The following MTHFD2 variants were observed in gnomAD, a reference collection of about 807,000 sequenced individuals.
MTHFD2 encodes methylenetetrahydrofolate dehydrogenase (NADP+ dependent) 2, methenyltetrahydrofolate cyclohydrolase, also known as bifunctional methylenetetrahydrofolate dehydrogenase/cyclohydrolase, mitochondrial.
In MTHFD2, 26 loss-of-function variants were observed where a neutral mutation model predicts 36.8. The ratio of observed to expected loss-of-function variants is 0.71; its 90% CI spans 0.52 to 0.98. MTHFD2 has a LOEUF of 0.98. Ranked by LOEUF, MTHFD2 falls within the 50% of genes least tolerant of loss-of-function variation. The pLI, the probability that MTHFD2 is intolerant of heterozygous loss-of-function variation, is 0.00. For synonymous variants in MTHFD2, 164 were observed against 155.2 expected (o/e 1.06, Z -0.42); for missense variants, 373 against 434.0 (o/e 0.86, Z 1.25).
chr2:74,204,344 G>A (rs1694129598), intron 1 of MTHFD2, among the ~76,000 whole-genome samples: 1 of 152,198 alleles, frequency 6.6e-6, no homozygotes, highest in Non-Finnish European at 1.5e-5. Flanking sequence ...TTTGGGAAGA[G>A]ACAGCCTTTC....
chr2:74,211,792 T>C lies in MTHFD2; in HGVS notation c.815T>C (p.Ile272Thr). The C allele has an allele frequency of 6.2e-7, 1 of 1,612,076 alleles. No individual in the cohort carries two copies. Among genetic ancestry groups the C allele is most frequent in the East Asian group, 2.2e-5 (1 of 44,828 alleles). Reference protein sequence around the residue: ...ADMIKEGAAVIDVGINRVHDP... With the variant: ...ADMIKEGAAVTDVGINRVHDP... The stretch of plus-strand genomic sequence containing the variant: ...ATGATCAAGGAAGGAGCAGCAGTCA[T>C]TGATGTGGGAATAAATAGAGTTCAC... Residue 272 changes from isoleucine (I) to threonine (T), a missense_variant, in exon 7 of 8, where the codon ATT becomes ACT. This residue lies in a region of MTHFD2 where 308 missense variants were observed against 397.8 expected (regional missense o/e 0.77). Transcript: ENST00000394053.
intron 1 of MTHFD2, among the ~76,000 whole-genome samples, chr2:74,200,525 TA>T (rs1321562532): frequency 1.3e-5 from 2 of 152,080 alleles, no homozygotes; most frequent in African/African-American, 4.8e-5. Flanking sequence ...TGTATCCTTT[TA>T]AAAATATGAG....
At chr2:74,203,911 T>TTTAGTTTAGTTTAGTTTAGTTTAG (rs1558852985) in intron 1 of MTHFD2, among the ~76,000 whole-genome samples, 17 of 84,480 alleles carry the variant, frequency 2.0e-4, no homozygotes, top group East Asian at 7.4e-4. Flanking sequence ...GTTTAGTTAG[T>TTTAGTTTAGTTTAGTTTAGTTTAG]TTAGTTTAGT....
At chr2:74,211,670 G>A (rs1558857096) in intron 6 of MTHFD2, 71 bp from the exon 7 acceptor site, 2 of 1,437,970 alleles carry the variant, frequency 1.4e-6, no homozygotes, top group East Asian at 2.4e-5. Context: ...TCTTGAAATT[G>A]AAGTTAGACA....
chr2:74,199,026 C>A (rs1417368099), intron 1 of MTHFD2, among the ~76,000 whole-genome samples: 1 of 152,172 alleles, frequency 6.6e-6, no homozygotes, highest in East Asian at 1.9e-4. Context: ...GGCCAGTCGG[C>A]GGGCGGGACG....
At chr2:74,200,226 T>C (rs1694012712) in intron 1 of MTHFD2, among the ~76,000 whole-genome samples, 1 of 152,190 alleles carries the variant, frequency 6.6e-6, no homozygotes, top group African/African-American at 2.4e-5. Context: ...TGGCCTCATG[T>C]GACTGTGGAC....
At position 74,215,467 on chromosome 2, in the gene MTHFD2, C is replaced by G. The variant is rs1258994897; in HGVS notation, c.*1225C>G. 1.4e-5 allele frequency: 2 copies of G among 146,538 alleles called. No homozygotes were observed. Among genetic ancestry groups the G allele is most frequent in the Non-Finnish European group, 1.5e-5 (1 of 67,366 alleles). The allele number at this position is 146,538 out of a possible 1,614,324, so 9.1% of individuals were successfully genotyped here. A position where few individuals can be genotyped will look rare whatever the true frequency, so the allele number is the denominator to read the frequency against. On this transcript the variant is annotated 3_prime_UTR_variant, in exon 8 of 8. Transcript: ENST00000394053. The stretch of plus-strand genomic sequence containing the variant: ...TAGAGATGGGGTCTTGCTATGTTGC[C>G]TGGGCTGGTATTGAACTCCTGGCCT...
intron 1 of MTHFD2, among the ~76,000 whole-genome samples, chr2:74,203,846 G>T (rs1667607): frequency 0.69 from 91,234 of 132,456 alleles, 29,063 homozygotes; most frequent in African/African-American, 0.81. Context: ...TGCTCATCTA[G>T]TTTAGTTTAG....
chr2:74,210,791 T>G (rs1209958714), intron 5 of MTHFD2, among the ~76,000 whole-genome samples: 1 of 150,328 alleles, frequency 6.7e-6, no homozygotes, highest in South Asian at 2.1e-4. Context: ...GTCAGTTTTT[T>G]TTTTTTTTTT....
chr2:74,204,907 C>T (rs191728461), intron 1 of MTHFD2, among the ~76,000 whole-genome samples: 39 of 152,306 alleles, frequency 2.6e-4, no homozygotes, highest in African/African-American at 8.9e-4. Context: ...CTCACCGCAA[C>T]CTCTGCCTCC....
Position 74,211,223 on chromosome 2 carries a change from A to G in MTHFD2, c.695A>G (p.His232Arg). 4 of 1,601,960 alleles carry G rather than the reference A, an allele frequency of 2.5e-6. No individual in the cohort carries two copies. Among genetic ancestry groups the G allele is most frequent in the Non-Finnish European group, 3.4e-6 (4 of 1,171,062 alleles). The change falls in exon 6 of 8, where the codon CAT becomes CGT. Residue 232 changes from histidine (H) to arginine (R), a missense_variant. By Grantham distance (29) the His-to-Arg change is conservative (BLOSUM62 0). Transcript: ENST00000394053. ...PGGDATVTIS[H>R]RYTPKEQLKK... is the part of the protein sequence containing the mutation. ...GGTGATGCCACTGTTACAATATCTCATCGATATACTCCCAAAGAGCAGTTG... is the reference window on the plus strand; with the variant it reads ...GGTGATGCCACTGTTACAATATCTCGTCGATATACTCCCAAAGAGCAGTTG...
chr2:74,208,592 T>G lies in MTHFD2; in HGVS notation c.433T>G (p.Cys145Gly). ...AGAGCATATTGATGAGAGAAGGATC[T>G]GCAATGCTGTTTCTCCAGACAAGGA... The part of the protein sequence containing the change: ...LPEHIDERRI[C>G]NAVSPDKDVD... Residue 145 changes from cysteine to glycine, a missense_variant, in exon 4 of 8, where the codon TGC becomes GGC. Transcript: ENST00000394053. 1 of 1,614,174 alleles carries G rather than the reference T, an allele frequency of 6.2e-7. No homozygotes were observed. The highest frequency in any genetic ancestry group is 1.3e-5 in the African/African-American group (1 of 75,056).
chr2:74,202,066 A>G (rs1001042753), intron 1 of MTHFD2, among the ~76,000 whole-genome samples: 4 of 151,880 alleles, frequency 2.6e-5, no homozygotes, highest in Non-Finnish European at 4.4e-5. Flanking sequence ...CCTTAACTTC[A>G]GTATATGATT....
At position 74,214,019 on chromosome 2, in the gene MTHFD2, A is replaced by G. The variant is rs1402381639; in HGVS notation, c.890-60A>G. ...TTGCATGCTTGTTTAATAATATATT[A>G]AAGTACACACATGTCCTTTGCCATA... is the stretch of plus-strand genomic sequence containing the variant. On this transcript the variant is annotated intron_variant, in intron 7 of 7. Coordinates refer to ENST00000394053, the MANE Select transcript of MTHFD2 (RefSeq NM_006636.4). The G allele has an allele frequency of 9.9e-5, 152 of 1,527,794 alleles. 1 individual carries two copies. Among genetic ancestry groups the G allele is most frequent in the Non-Finnish European group, 6.6e-5 (74 of 1,128,602 alleles). 94.6% of individuals were successfully genotyped at this position (1,527,794 alleles called of 1,614,324 possible).
At position 74,214,503 on chromosome 2, in the gene MTHFD2, A is replaced by G. The variant is rs895237261; in HGVS notation, c.*261A>G. ...AGTGATTAATATGGGAGACATTACC[A>G]TATGGAGGATGGATGCTTCACTTTG... On this transcript the variant is annotated 3_prime_UTR_variant, in exon 8 of 8. Coordinates refer to ENST00000394053, the MANE Select transcript of MTHFD2 (RefSeq NM_006636.4). The G allele has an allele frequency of 1.3e-5, 3 of 228,320 alleles. No individual in the cohort carries two copies. The highest frequency in any genetic ancestry group is 8.8e-5 in the South Asian group (1 of 11,352). The allele number at this position is 228,320 out of a possible 1,614,324, so 14.1% of individuals were successfully genotyped here.
In MTHFD2 at chr2:74,208,716, G is replaced by C. The variant is rs368987465; in HGVS notation, c.557G>C (p.Arg186Pro). 1.9e-6 allele frequency: 3 copies of C among 1,613,808 alleles called. No homozygotes were observed. Among genetic ancestry groups the C allele is most frequent in the Non-Finnish European group, 2.5e-6 (3 of 1,179,858 alleles). ...TPWGVWEIIKRTGIPTLGKNV... is the reference protein window; with the variant it reads ...TPWGVWEIIKPTGIPTLGKNV... ...TGGGGTGTGTGGGAAATAATCAAGC[G>C]AACTGGTAGGTATATCCCAGAATTG... Residue 186 changes from arginine to proline, a missense_variant, in exon 4 of 8, where the codon CGA becomes CCA. Coordinates refer to ENST00000394053, the MANE Select transcript of MTHFD2 (RefSeq NM_006636.4).
intron 1 of MTHFD2, among the ~76,000 whole-genome samples, chr2:74,204,354 C>T (rs972858577): frequency 1.3e-5 from 2 of 152,218 alleles, no homozygotes; most frequent in African/African-American, 2.4e-5. Context: ...GACAGCCTTT[C>T]GGGCAGCTGA....
Position 74,210,045 on chromosome 2 carries a change from C to T in MTHFD2, c.666C>T (p.Pro222=), listed in dbSNP as rs762126183. ...LLHTDGAHER[P]GGDATVTISH... ...ACACAGATGGGGCGCATGAACGTCCCGGAGGTAAGGAAATTGCTTTCAGGG... is the reference window on the plus strand; with the variant it reads ...ACACAGATGGGGCGCATGAACGTCCTGGAGGTAAGGAAATTGCTTTCAGGG... The change falls in exon 5 of 8, where the codon CCC becomes CCT. Residue 222 remains proline (P), a synonymous_variant. Coordinates refer to ENST00000394053, the MANE Select transcript of MTHFD2 (RefSeq NM_006636.4). The T allele has an allele frequency of 9.9e-6, 16 of 1,611,094 alleles. No homozygotes were observed. In the Admixed American group the frequency reaches 1.5e-4, roughly 15 times the overall value.
chr2:74,209,896 C>T (rs1333607454), intron 4 of MTHFD2, 46 bp from the exon 5 acceptor site: 1 of 1,534,390 alleles, frequency 6.5e-7, no homozygotes, highest in Non-Finnish European at 8.8e-7. Flanking sequence ...CTTTGTTTTC[C>T]TTTGGACTGG....
Sources: gnomAD v4.1 joint callset for allele counts (sites outside exome capture counted in the v4.1 genomes callset) on GRCh38, gnomAD v4.1.1 for gene constraint, gnomAD v4.1.1 regional missense constraint, MANE v1.5 for transcripts, NCBI Gene and HGNC (gene_info 2026-07-23, HGNC 2026-07-21) for gene names.